Variants in COL4A4 observed in about 807,000 individuals in gnomAD.
The protein encoded by COL4A4 is collagen alpha-4(IV) chain.
In COL4A4, 105 loss-of-function variants were observed where a neutral mutation model predicts 192.9. The ratio of observed to expected loss-of-function variants is 0.54; its 90% CI spans 0.46 to 0.64. The LOEUF is 0.64. COL4A4 is among the 30% of genes least tolerant of loss of function. The pLI, the probability that COL4A4 is intolerant of heterozygous loss-of-function variation, is 0.00. For synonymous variants in COL4A4, 762 were observed against 769.9 expected (o/e 0.99, Z 0.17); for missense variants, 1,967 against 2,169.3 (o/e 0.91, Z 1.85).
chr2:227,016,728 C>T (rs930461120), intron 44 of COL4A4, among the ~76,000 whole-genome samples: 2 of 152,172 alleles, frequency 1.3e-5, no homozygotes, highest in Non-Finnish European at 2.9e-5. Context: ...CCCCTCCATG[C>T]CCTGTGCTGG....
chr2:227,021,165 C>CTGGAGAACACTTTTTAAA (rs1559427077), intron 44 of COL4A4, among the ~76,000 whole-genome samples: 2 of 152,160 alleles, frequency 1.3e-5, no homozygotes, highest in Non-Finnish European at 2.9e-5. Flanking sequence ...CTGCGCCTGG[C>CTGGAGAACACTTTTTAAA]TGGAGAACAC....
chr2:226,974,225 T>TTTTTATTTTATTTTATTTTA, the COL4A4 span, among the ~76,000 whole-genome samples: 145 of 148,260 alleles, frequency 9.8e-4, 1 homozygote, highest in African/African-American at 2.5e-3. Flanking sequence ...TGTTGCCCTT[T>TTTTTATTTTATTTTATTTTA]TTTTATTTTA....
chr2:226,988,815 T>C, the COL4A4 span: 1 of 615,222 alleles, frequency 1.6e-6, no homozygotes, highest in Non-Finnish European at 2.0e-6. Context: ...GAGAGTTAAC[T>C]ACCAAGGCTG....
At position 227,112,011 on chromosome 2, in the gene COL4A4, TCA is replaced by T. The variant is rs541059493; in HGVS notation, c.559-300_559-299del. 6.9e-3 allele frequency among the ~76,000 whole-genome samples: 1,057 copies of T among 152,282 alleles called. 12 individuals are homozygous for T. The highest frequency in any genetic ancestry group is 9.0e-3 in the Non-Finnish European group (609 of 68,014). On this transcript the variant is annotated intron_variant, in intron 8 of 47. Transcript: ENST00000396625. ...TTCTCAATCCAGTGGTCCCGTTTCCTCACAGTTTACCTGTTGCTGGTGTCTTT... is the reference window on the plus strand; with the variant it reads ...TTCTCAATCCAGTGGTCCCGTTTCCTCAGTTTACCTGTTGCTGGTGTCTTT...
intron 44 of COL4A4, among the ~76,000 whole-genome samples, chr2:227,013,475 T>C (rs1013162809): frequency 1.3e-5 from 2 of 152,100 alleles, no homozygotes; most frequent in African/African-American, 2.4e-5. Flanking sequence ...GGCCTCCTTA[T>C]GCAAGGAGAA....
rs571220108 is a variant in COL4A4 at position 227,130,526 on chromosome 2, C to T, written c.193-9378G>A. 4.8e-4 allele frequency among the ~76,000 whole-genome samples: 73 copies of T among 152,314 alleles called. 1 individual carries two copies. Among genetic ancestry groups the T allele is most frequent in the African/African-American group, 1.7e-3 (71 of 41,580 alleles). ...CCCCTTGGCCTTGCCTTGATTTGCT[C>T]CCACCTGTGTCTTGTGGCCCCCTCT... On this transcript the variant is annotated intron_variant, in intron 4 of 47. Transcript: ENST00000396625.
At chr2:227,068,261 G>A (rs1213690561) in intron 25 of COL4A4, among the ~76,000 whole-genome samples, 1 of 152,080 alleles carries the variant, frequency 6.6e-6, no homozygotes, top group Non-Finnish European at 1.5e-5. Context: ...AGGACCAGAT[G>A]GATTCACAGC....
At chr2:227,090,265 C>CA (rs1559595819) in intron 20 of COL4A4, among the ~76,000 whole-genome samples, 1 of 151,808 alleles carries the variant, frequency 6.6e-6, no homozygotes, top group Non-Finnish European at 1.5e-5. Flanking sequence ...AACAAATAAA[C>CA]AAAAAAATGG....
At chr2:227,068,395 GC>G (rs1439255580) in intron 25 of COL4A4, among the ~76,000 whole-genome samples, 3 of 152,138 alleles carry the variant, frequency 2.0e-5, no homozygotes, top group Non-Finnish European at 2.9e-5. Flanking sequence ...TGATACCAAA[GC>G]CAGGCAGAGA....
chr2:227,076,272 G>T (rs1044647846), intron 25 of COL4A4, among the ~76,000 whole-genome samples: 1 of 152,084 alleles, frequency 6.6e-6, no homozygotes, highest in East Asian at 1.9e-4. Flanking sequence ...AAACAGCATG[G>T]TACTGGTACC....
chr2:226,975,775 T>C, the COL4A4 span, among the ~76,000 whole-genome samples: 1 of 152,200 alleles, frequency 6.6e-6, no homozygotes, highest in African/African-American at 2.4e-5. Flanking sequence ...GTTATGATGA[T>C]GCTTAGGAAC....
rs1324013467 is a variant in COL4A4, at chr2:227,007,512, G to A, written c.4886C>T (p.Ala1629Val). ...CCGGCCCTGGCATTCAAGGAATGGT[G>A]CTGCTCTGAAATCTTCCAGGCAGCT... Reference protein sequence around the residue: ...PGSCLEDFRAAPFLECQGRQG... With the variant: ...PGSCLEDFRAVPFLECQGRQG... Residue 1629 changes from alanine to valine, a missense_variant, in exon 48 of 48, where the codon GCA becomes GTA. Coordinates refer to ENST00000396625, the MANE Select transcript of COL4A4 (RefSeq NM_000092.5). 6.2e-7 allele frequency: 1 copy of A among 1,613,958 alleles called. No homozygotes were observed. Among genetic ancestry groups the A allele is most frequent in the South Asian group, 1.1e-5 (1 of 91,060 alleles).
chr2:227,060,525 T>C (rs1461988152), intron 26 of COL4A4, among the ~76,000 whole-genome samples: 1 of 152,204 alleles, frequency 6.6e-6, no homozygotes, highest in African/African-American at 2.4e-5. Context: ...CAGGTGACTT[T>C]TTTTGGTATC....
chr2:227,147,274 AAATGGCAGACATAC>A, intron 2 of COL4A4, 125 bp downstream of exon 2: 1 of 823,428 alleles, frequency 1.2e-6, no homozygotes, highest in Non-Finnish European at 2.1e-6. Flanking sequence ...ATGAGTCATG[AAATGGCAGACATAC>A]CCTTAGCTTT....
At chr2:227,152,316 C>T (rs748265685) in intron 1 of COL4A4, among the ~76,000 whole-genome samples, 1 of 152,298 alleles carries the variant, frequency 6.6e-6, no homozygotes, top group Non-Finnish European at 1.5e-5. Flanking sequence ...AGCAATTCTA[C>T]AAAAGGATAT....
chr2:226,983,588 C>A, the COL4A4 span, among the ~76,000 whole-genome samples: 1 of 152,122 alleles, frequency 6.6e-6, no homozygotes, highest in Non-Finnish European at 1.5e-5. Context: ...ACTTTTTGTC[C>A]CTTTTCAAAG....
intron 30 of COL4A4, among the ~76,000 whole-genome samples, chr2:227,055,080 G>A (rs902592980): frequency 2.0e-5 from 3 of 152,200 alleles, no homozygotes; most frequent in Admixed American, 2.0e-4. Flanking sequence ...GTGAGCCACT[G>A]TGCCTGGCCC....
At chr2:227,111,272 A>G (rs905428307) in intron 9 of COL4A4, among the ~76,000 whole-genome samples, 2 of 152,214 alleles carry the variant, frequency 1.3e-5, no homozygotes, top group Non-Finnish European at 2.9e-5. Flanking sequence ...ATACTGATTC[A>G]CCAGGCAAAA....
chr2:226,970,695 A>G, the COL4A4 span, among the ~76,000 whole-genome samples: 1 of 152,162 alleles, frequency 6.6e-6, no homozygotes, highest in Non-Finnish European at 1.5e-5. Context: ...CCTGTGAAAT[A>G]TTTTCCAATG....
Sources: gnomAD v4.1 joint callset for allele counts (sites outside exome capture counted in the v4.1 genomes callset) on GRCh38, gnomAD v4.1.1 for gene constraint, MANE v1.5 for transcripts, NCBI Gene and HGNC (gene_info 2026-07-23, HGNC 2026-07-21) for gene names.